Variants in KHDRBS2 observed in about 807,000 individuals in gnomAD.
KHDRBS2 encodes KH RNA binding domain containing, signal transduction associated 2.
KHDRBS2 carries 26 observed loss-of-function variants against 44.3 expected under a neutral mutation model. The ratio of observed to expected loss-of-function variants is 0.59; its 90% CI spans 0.43 to 0.81. The LOEUF (loss-of-function observed/expected upper bound fraction) is 0.81, where lower values mean the gene tolerates loss of function less well. KHDRBS2 is among the 40% of genes least tolerant of loss of function. The pLI is 0.00. For synonymous variants in KHDRBS2, 194 were observed against 151.1 expected (o/e 1.28, Z -2.08); for missense variants, 476 against 433.1 (o/e 1.10, Z -0.88).
chr6:61,996,265 A>G (rs1327648913), intron 3 of KHDRBS2, among the ~76,000 whole-genome samples: 1 of 152,346 alleles, frequency 6.6e-6, no homozygotes, highest in South Asian at 2.1e-4. Context: ...AAAATAATTT[A>G]CATGAAAATG....
intron 2 of KHDRBS2, among the ~76,000 whole-genome samples, chr6:62,058,816 T>C (rs1475551302): frequency 3.3e-5 from 5 of 151,650 alleles, no homozygotes; most frequent in Non-Finnish European, 5.9e-5. Flanking sequence ...ATGATGAGTA[T>C]TGAAGAAAAC....
At chr6:62,272,053 T>A (rs1249791370) in intron 1 of KHDRBS2, among the ~76,000 whole-genome samples, 1 of 152,168 alleles carries the variant, frequency 6.6e-6, no homozygotes, top group African/African-American at 2.4e-5. Flanking sequence ...AAATGCCCTA[T>A]ATAGGTGTAC....
At chr6:61,615,066 C>T in the KHDRBS2 span, among the ~76,000 whole-genome samples, 1,071 of 151,334 alleles carry the variant, frequency 7.1e-3, 19 homozygotes, top group African/African-American at 0.023. Context: ...AAACCCCTTT[C>T]TACTAAAAAT....
intron 1 of KHDRBS2, among the ~76,000 whole-genome samples, chr6:62,242,423 A>C (rs576717765): frequency 6.6e-6 from 1 of 152,276 alleles, no homozygotes; most frequent in African/African-American, 2.4e-5. Flanking sequence ...TACTCTGCAC[A>C]TTACAGGATA....
intron 4 of KHDRBS2, among the ~76,000 whole-genome samples, chr6:61,967,038 T>TA (rs1770122735): frequency 6.6e-6 from 1 of 151,716 alleles, no homozygotes; most frequent in Non-Finnish European, 1.5e-5. Flanking sequence ...TGTATATTTT[T>TA]AACTGAGATA....
chr6:61,972,014 C>T (rs1771533635), intron 4 of KHDRBS2, among the ~76,000 whole-genome samples: 1 of 152,118 alleles, frequency 6.6e-6, no homozygotes, highest in Admixed American at 6.6e-5. Flanking sequence ...GATCTATTCA[C>T]CTATTTCCAA....
At chr6:62,196,645 C>T (rs907122955) in intron 1 of KHDRBS2, among the ~76,000 whole-genome samples, 2 of 152,094 alleles carry the variant, frequency 1.3e-5, no homozygotes, top group South Asian at 4.1e-4. Context: ...CTGCATATAT[C>T]CACTTCTTGG....
chr6:61,932,355 A>C (rs1470278035), intron 4 of KHDRBS2, among the ~76,000 whole-genome samples: 1 of 152,214 alleles, frequency 6.6e-6, no homozygotes, highest in African/African-American at 2.4e-5. Context: ...CTGGCGGTAC[A>C]ACACATCTCT....
intron 6 of KHDRBS2, among the ~76,000 whole-genome samples, chr6:61,769,013 G>T (rs567092299): frequency 5.3e-5 from 8 of 152,048 alleles, no homozygotes; most frequent in African/African-American, 1.9e-4. Flanking sequence ...TTGATTTCCA[G>T]CCTTTATTCA....
In KHDRBS2 at chr6:61,906,536, T is replaced by A. The variant is rs561835153; in HGVS notation, c.484-5165A>T. Among the ~76,000 whole-genome samples the A allele has an allele frequency of 8.5e-5, 13 of 152,224 alleles. No homozygotes were observed. In the South Asian group the frequency reaches 2.1e-3, roughly 24 times the overall value. Reference sequence around the variant, plus strand: ...TTTTGCACCCATTAACCATCCCAACTTCCCCCCCTCCTTCCCACTATTCTT... The same window carrying A: ...TTTTGCACCCATTAACCATCCCAACATCCCCCCCTCCTTCCCACTATTCTT... On this transcript the variant is annotated intron_variant, in intron 4 of 8. Transcript: ENST00000281156.
intron 6 of KHDRBS2, among the ~76,000 whole-genome samples, chr6:61,779,237 C>A (rs1292124483): frequency 6.6e-6 from 1 of 151,922 alleles, no homozygotes; most frequent in Non-Finnish European, 1.5e-5. Context: ...TATAGTCTTT[C>A]TTGGATCCAC....
chr6:62,037,614 G>T (rs1785564885), intron 3 of KHDRBS2, among the ~76,000 whole-genome samples: 1 of 151,960 alleles, frequency 6.6e-6, no homozygotes, highest in Non-Finnish European at 1.5e-5. Flanking sequence ...GGCATTACAA[G>T]CTTAGAAATG....
intron 2 of KHDRBS2, among the ~76,000 whole-genome samples, chr6:62,166,905 A>G (rs936134547): frequency 6.6e-6 from 1 of 152,088 alleles, no homozygotes; most frequent in East Asian, 1.9e-4. Context: ...TCACTGAGTT[A>G]AACAAACAAA....
intron 6 of KHDRBS2, among the ~76,000 whole-genome samples, chr6:61,869,130 C>T (rs563119639): frequency 2.3e-4 from 35 of 152,282 alleles, no homozygotes; most frequent in Non-Finnish European, 3.1e-4. Flanking sequence ...TCACCCTGCC[C>T]TGCTTTTCTC....
chr6:62,129,144 A>G (rs1169448240), intron 2 of KHDRBS2, among the ~76,000 whole-genome samples: 3 of 152,152 alleles, frequency 2.0e-5, no homozygotes, highest in Admixed American at 6.5e-5. Flanking sequence ...AATAACAACT[A>G]CTTTTCTATA....
At chr6:62,159,411 A>C (rs1175477738) in intron 2 of KHDRBS2, among the ~76,000 whole-genome samples, 1 of 152,156 alleles carries the variant, frequency 6.6e-6, no homozygotes, top group African/African-American at 2.4e-5. Context: ...CTTTCGGAGT[A>C]CTCATGATGT....
At chr6:61,851,567 C>T (rs1464789909) in intron 6 of KHDRBS2, among the ~76,000 whole-genome samples, 2 of 152,086 alleles carry the variant, frequency 1.3e-5, no homozygotes, top group Admixed American at 1.3e-4. Context: ...AATACATAGA[C>T]TGAGAGGCAA....
At chr6:61,720,478 T>G (rs2127555092) in intron 7 of KHDRBS2, among the ~76,000 whole-genome samples, 1 of 152,274 alleles carries the variant, frequency 6.6e-6, no homozygotes, top group Non-Finnish European at 1.5e-5. Context: ...TTCTAACTGG[T>G]GTGAGATGGT....
At chr6:61,899,535 G>C (rs1158582495) in intron 5 of KHDRBS2, among the ~76,000 whole-genome samples, 5 of 151,646 alleles carry the variant, frequency 3.3e-5, no homozygotes, top group Non-Finnish European at 7.4e-5. Context: ...TAAAATCCAG[G>C]CCATAAAGCA....
Sources: allele counts gnomAD v4.1 joint callset (sites outside exome capture counted in the v4.1 genomes callset), GRCh38; gene constraint gnomAD v4.1.1; transcripts MANE v1.5; gene names NCBI Gene and HGNC (gene_info 2026-07-23, HGNC 2026-07-21).